Variants in SOX6 observed in about 807,000 individuals in gnomAD.
SOX6 encodes transcription factor SOX-6.
A neutral mutation model predicts 97.8 loss-of-function variants in SOX6; 11 were observed. The ratio of observed to expected loss-of-function variants is 0.11; its 90% CI spans 0.07 to 0.19. SOX6 has a LOEUF of 0.19. SOX6 is among the 10% of genes least tolerant of loss of function. SOX6 has a pLI of 1.00. For missense variants in SOX6, 810 were observed against 1,039.5 expected, an observed-to-expected ratio of 0.78 and a Z score of 3.04; for synonymous variants, 360 against 371.4, an observed-to-expected ratio of 0.97 and a Z score of 0.35.
intron 6 of SOX6, among the ~76,000 whole-genome samples, chr11:16,163,511 A>G (rs1430006211): frequency 2.0e-5 from 3 of 152,248 alleles, no homozygotes; most frequent in Non-Finnish European, 4.4e-5. Context: ...TCATCAAACA[A>G]TGGTCTAAAC....
Position 16,096,086 on chromosome 11 carries a change from T to C in SOX6, c.1011A>G (p.Gln337=). ...KGHVSHPQIN[Q]RLKGLSDRFG... ...AACGGTCACTTAGGCCCTTTAGCCTTTGGTTAATTTGTGGGTGGGAGACAT... is the reference window on the plus strand; with the variant it reads ...AACGGTCACTTAGGCCCTTTAGCCTCTGGTTAATTTGTGGGTGGGAGACAT... Residue 337 remains glutamine (Q), a synonymous_variant, in exon 9 of 16, where the codon CAA becomes CAG. Transcript: ENST00000683767. 1 of 1,611,462 alleles carries C rather than the reference T, an allele frequency of 6.2e-7. No homozygotes were observed. The highest frequency in any genetic ancestry group is 8.5e-7 in the Non-Finnish European group (1 of 1,178,444).
intron 3 of SOX6, among the ~76,000 whole-genome samples, chr11:16,705,910 T>C (rs1049805097): frequency 2.6e-5 from 4 of 151,450 alleles, no homozygotes; most frequent in African/African-American, 7.3e-5. Flanking sequence ...TAAAAGAAGG[T>C]AGTAATGGAG....
chr11:16,084,221 A>G (rs1848531621), intron 9 of SOX6, among the ~76,000 whole-genome samples: 1 of 152,038 alleles, frequency 6.6e-6, no homozygotes, highest in South Asian at 2.1e-4. Flanking sequence ...ACATACACAC[A>G]TGCTATACAT....
chr11:16,190,319 C>T (rs1270301462), intron 4 of SOX6, among the ~76,000 whole-genome samples: 2 of 152,154 alleles, frequency 1.3e-5, no homozygotes, highest in Non-Finnish European at 2.9e-5. Context: ...TTGAGGAGTA[C>T]ATACAGTCAA....
At chr11:16,513,154 CACACTCAGGAGGTCA>C in intron 4 of SOX6, among the ~76,000 whole-genome samples, 1 of 152,336 alleles carries the variant, frequency 6.6e-6, no homozygotes, top group South Asian at 2.1e-4. Flanking sequence ...TGTGCAACTT[CACACTCAGGAGGTCA>C]ACTGGCAGTA....
chr11:16,478,549 C>A (rs1202276842), upstream of SOX6, among the ~76,000 whole-genome samples: 1 of 152,168 alleles, frequency 6.6e-6, no homozygotes, highest in Non-Finnish European at 1.5e-5. Flanking sequence ...ATGTTAAAAG[C>A]AACTGTGAAT....
chr11:15,997,007 G>A (rs1854246009), intron 13 of SOX6, among the ~76,000 whole-genome samples: 1 of 152,086 alleles, frequency 6.6e-6, no homozygotes, highest in Non-Finnish European at 1.5e-5. Context: ...AACAGACAAA[G>A]AGAGAAGACA....
At position 16,701,687 on chromosome 11, in the gene SOX6, T is replaced by G. The variant is rs1473786185; in HGVS notation, n.429+13143A>C. Among the ~76,000 whole-genome samples the G allele has an allele frequency of 2.0e-5, 3 of 149,368 alleles. No individual in the cohort carries two copies. The Admixed American group carries it at 2.0e-4, about 10-fold the overall frequency. On this transcript the variant is annotated intron_variant and non_coding_transcript_variant, in intron 3 of 5. Coordinates refer to the SOX6 transcript ENST00000524520. ...CTGGCTAACATGGTGAAACCCCGTC[T>G]CCACTAAAAATACAAAAAATTAGCC...
intron 4 of SOX6, among the ~76,000 whole-genome samples, chr11:16,532,846 T>A (rs367707377): frequency 1.1e-3 from 172 of 151,994 alleles, no homozygotes; most frequent in African/African-American, 3.7e-3. Flanking sequence ...TTAAAACAAA[T>A]TTACAAAGTG....
At chr11:16,522,098 G>A (rs1421661843) in intron 4 of SOX6, among the ~76,000 whole-genome samples, 1 of 152,082 alleles carries the variant, frequency 6.6e-6, no homozygotes, top group Non-Finnish European at 1.5e-5. Context: ...TAGCAAGGCA[G>A]GCCAACATTC....
intron 10 of SOX6, among the ~76,000 whole-genome samples, chr11:16,055,212 C>T (rs563716248): frequency 6.6e-6 from 1 of 152,084 alleles, no homozygotes; most frequent in Non-Finnish European, 1.5e-5. Context: ...TAAGGACAGT[C>T]CTCTTTATTT....
intron 4 of SOX6, among the ~76,000 whole-genome samples, chr11:16,188,826 GC>G (rs1451336497): frequency 6.6e-6 from 1 of 152,090 alleles, no homozygotes; most frequent in Admixed American, 6.6e-5. Flanking sequence ...ACTTTGGGAG[GC>G]TGAGGCAGGT....
intron 13 of SOX6, 27 bp from the exon 14 acceptor site, chr11:15,989,257 G>A (rs1458996328): frequency 1.3e-6 from 2 of 1,557,588 alleles, no homozygotes; most frequent in East Asian, 2.3e-5. Context: ...GGAAGAACAA[G>A]ATGAGTGGAA....
At chr11:16,573,136 C>G (rs1293015977) in intron 4 of SOX6, among the ~76,000 whole-genome samples, 2 of 152,174 alleles carry the variant, frequency 1.3e-5, no homozygotes, top group African/African-American at 4.8e-5. Context: ...AACCAGAGCT[C>G]TGCAATGGGG....
rs1056810503 is a variant in SOX6 at position 16,074,349 on chromosome 11, G to A, written c.1102-18448C>T. ...CAAACTAGAAAACTTAGAAAAAAAC[G>A]GATAAATTCCTAAAAACATACAACT... On this transcript the variant is annotated intron_variant, in intron 9 of 15. Transcript: ENST00000683767. Among the ~76,000 whole-genome samples the A allele has an allele frequency of 6.6e-5, 10 of 151,944 alleles. No homozygotes were observed. In the East Asian group the frequency reaches 9.6e-4, roughly 15 times the overall value.
intron 4 of SOX6, among the ~76,000 whole-genome samples, chr11:16,200,223 T>C (rs1385930694): frequency 6.6e-6 from 1 of 152,196 alleles, no homozygotes; most frequent in African/African-American, 2.4e-5. Context: ...GGTCCAGATA[T>C]CAGGTTTCTC....
At chr11:16,623,363 T>C (rs1292609343) in intron 3 of SOX6, among the ~76,000 whole-genome samples, 1 of 152,164 alleles carries the variant, frequency 6.6e-6, no homozygotes, top group Non-Finnish European at 1.5e-5. Flanking sequence ...TTGTATGTCT[T>C]CTTTGGAGAA....
intron 3 of SOX6, among the ~76,000 whole-genome samples, chr11:16,672,582 C>T (rs1847855102): frequency 6.6e-6 from 1 of 152,184 alleles, no homozygotes. Context: ...GTTTTTAAAA[C>T]TGTCATATCT....
Position 15,978,406 on chromosome 11 carries a change from C to G in SOX6, c.2184-5294G>C, listed in dbSNP as rs539384231. On this transcript the variant is annotated intron_variant, in intron 15 of 15. Coordinates refer to ENST00000683767, the MANE Select transcript of SOX6 (RefSeq NM_001367873.1). Reference sequence around the variant, plus strand: ...TTCTTGGTCCTCATGTTACCCAGATCTATAACACGGGCAGCATTTGATATA... The same window carrying G: ...TTCTTGGTCCTCATGTTACCCAGATGTATAACACGGGCAGCATTTGATATA... Among the ~76,000 whole-genome samples the G allele has an allele frequency of 7.2e-5, 11 of 151,938 alleles. No homozygotes were observed. The South Asian group carries it at 1.0e-3, about 14-fold the overall frequency.
Sources: gnomAD v4.1 joint callset for allele counts (sites outside exome capture counted in the v4.1 genomes callset) on GRCh38, gnomAD v4.1.1 for gene constraint, MANE v1.5 for transcripts, NCBI Gene and HGNC (gene_info 2026-07-23, HGNC 2026-07-21) for gene names.